Variants in DCC observed in about 807,000 individuals in gnomAD.
DCC encodes DCC netrin 1 receptor.
A neutral mutation model predicts 172.5 loss-of-function variants in DCC; 58 were observed. The ratio of observed to expected loss-of-function variants is 0.34; its 90% CI spans 0.27 to 0.42. DCC has a LOEUF of 0.42. Among genes scored for constraint, DCC ranks in the 10% least tolerant of loss-of-function variants. The pLI is 1.00. For missense variants in DCC, 1,740 were observed against 1,791.0 expected, an observed-to-expected ratio of 0.97 and a Z score of 0.51; for synonymous variants, 709 against 644.5, an observed-to-expected ratio of 1.10 and a Z score of -1.52.
chr18:53,066,241 T>C (rs955741672), intron 7 of DCC, 75 bp downstream of exon 7: 1 of 1,456,320 alleles, frequency 6.9e-7, no homozygotes, highest in African/African-American at 1.4e-5. Flanking sequence ...TCCATATTGT[T>C]TTTCCTACCC....
chr18:52,964,027 A>G (rs2040888789), intron 5 of DCC, among the ~76,000 whole-genome samples: 1 of 152,170 alleles, frequency 6.6e-6, no homozygotes, highest in African/African-American at 2.4e-5. Context: ...TAATGGATAG[A>G]GACAGCCTTG....
At chr18:53,343,341 C>G (rs1002089933) in intron 15 of DCC, among the ~76,000 whole-genome samples, 1 of 151,902 alleles carries the variant, frequency 6.6e-6, no homozygotes, top group African/African-American at 2.4e-5. Flanking sequence ...ATGCTATACT[C>G]TTTCTAGTTT....
At chr18:53,191,516 T>C (rs957490995) in intron 9 of DCC, among the ~76,000 whole-genome samples, 5 of 152,188 alleles carry the variant, frequency 3.3e-5, no homozygotes, top group African/African-American at 4.8e-5. Context: ...TCAATGTGCC[T>C]ACTAGAAAAT....
chr18:53,460,943 T>C (rs1290850821), intron 24 of DCC, among the ~76,000 whole-genome samples: 1 of 152,162 alleles, frequency 6.6e-6, no homozygotes, highest in Admixed American at 6.5e-5. Flanking sequence ...CCAGGACCTG[T>C]TGTTTCCTGA....
intron 7 of DCC, among the ~76,000 whole-genome samples, chr18:53,098,538 C>T (rs143924988): frequency 1.7e-3 from 258 of 152,226 alleles, no homozygotes; most frequent in African/African-American, 5.9e-3. Flanking sequence ...ATGATTAGAC[C>T]TAAGTTATGC....
chr18:53,351,463 T>TGTATATATATATATA (rs1568075497), intron 15 of DCC, among the ~76,000 whole-genome samples: 2 of 22,838 alleles, frequency 8.8e-5, no homozygotes, highest in Admixed American at 4.7e-4. Flanking sequence ...ATATACACAG[T>TGTATATATATATATA]GTGTATATAT....
At chr18:52,565,789 T>C (rs922349207) in intron 1 of DCC, among the ~76,000 whole-genome samples, 11 of 152,152 alleles carry the variant, frequency 7.2e-5, no homozygotes, top group African/African-American at 2.4e-4. Flanking sequence ...CTGTAGGTTG[T>C]CTGTTCACGC....
intron 2 of DCC, chr18:52,892,568 C>T (rs2039666567): frequency 6.6e-6 from 1 of 152,128 alleles, no homozygotes; most frequent in African/African-American, 2.4e-5. Context: ...GATAAAAGAT[C>T]ATTTCAGGCT....
At chr18:52,614,924 T>C (rs2034351548) in intron 1 of DCC, among the ~76,000 whole-genome samples, 1 of 152,194 alleles carries the variant, frequency 6.6e-6, no homozygotes, top group Non-Finnish European at 1.5e-5. Flanking sequence ...ATACTACTTG[T>C]GAGCAAGAAG....
At chr18:53,119,837 C>A (rs887345133) in intron 7 of DCC, among the ~76,000 whole-genome samples, 1 of 151,820 alleles carries the variant, frequency 6.6e-6, no homozygotes. Context: ...CATTGTGGAT[C>A]ATTTTCTTAC....
At chr18:52,383,111 T>C (rs1193000708) in intron 1 of DCC, among the ~76,000 whole-genome samples, 1 of 152,122 alleles carries the variant, frequency 6.6e-6, no homozygotes, top group Non-Finnish European at 1.5e-5. Context: ...AGATCCTTCT[T>C]ACACCTGATA....
chr18:52,524,821 A>C (rs1034688563), intron 1 of DCC, among the ~76,000 whole-genome samples: 2 of 152,126 alleles, frequency 1.3e-5, no homozygotes, highest in African/African-American at 4.8e-5. Flanking sequence ...GTTCTATATC[A>C]GATAGCATAT....
At chr18:53,450,142 TAC>T (rs992007588) in intron 22 of DCC, among the ~76,000 whole-genome samples, 6 of 149,000 alleles carry the variant, frequency 4.0e-5, no homozygotes, top group African/African-American at 7.6e-5. Context: ...TATATATATA[TAC>T]ACACACACAT....
At chr18:52,492,206 C>CT (rs558918297) in intron 1 of DCC, among the ~76,000 whole-genome samples, 176 of 151,880 alleles carry the variant, frequency 1.2e-3, no homozygotes, top group African/African-American at 3.9e-3. Flanking sequence ...TGATAAGAAA[C>CT]TTGGGGGGTA....
intron 17 of DCC, among the ~76,000 whole-genome samples, chr18:53,393,967 T>A (rs1908750951): frequency 6.8e-6 from 1 of 147,984 alleles, no homozygotes; most frequent in Non-Finnish European, 1.5e-5. Flanking sequence ...ATGAGGAGGG[T>A]TAGAGAAAAC....
chr18:52,799,396 T>C (rs1598814277), intron 2 of DCC, among the ~76,000 whole-genome samples: 1 of 152,172 alleles, frequency 6.6e-6, no homozygotes, highest in Admixed American at 6.5e-5. Flanking sequence ...TGATATATTA[T>C]TGCTCATGGG....
At chr18:53,474,794 T>G (rs1391618111) in intron 25 of DCC, among the ~76,000 whole-genome samples, 1 of 152,182 alleles carries the variant, frequency 6.6e-6, no homozygotes, top group African/African-American at 2.4e-5. Flanking sequence ...TACTCAAAAA[T>G]GTGGAAGTGA....
At chr18:53,392,703 T>C (rs1291476265) in intron 17 of DCC, among the ~76,000 whole-genome samples, 1 of 152,228 alleles carries the variant, frequency 6.6e-6, no homozygotes, top group Non-Finnish European at 1.5e-5. Context: ...AAGAACCTAC[T>C]ATGTACCTAG....
chr18:53,363,284 C>T (rs2057967972), intron 15 of DCC, among the ~76,000 whole-genome samples: 2 of 152,110 alleles, frequency 1.3e-5, no homozygotes, highest in African/African-American at 2.4e-5. Context: ...GCAATTTTCT[C>T]CTGTCTGTCA....
Sources: gnomAD v4.1 joint callset for allele counts (sites outside exome capture counted in the v4.1 genomes callset) on GRCh38, gnomAD v4.1.1 for gene constraint, MANE v1.5 for transcripts, NCBI Gene and HGNC (gene_info 2026-07-23, HGNC 2026-07-21) for gene names.